CPVL: variants seen among roughly 807,000 people sequenced by gnomAD.
CPVL encodes probable serine carboxypeptidase CPVL.
In CPVL, 51 loss-of-function variants were observed where a neutral mutation model predicts 63.7. That is an observed-to-expected ratio of 0.80 (90% CI 0.64 to 1.01). CPVL has a LOEUF of 1.01. Ranked by LOEUF, CPVL falls within the 50% of genes least tolerant of loss-of-function variation. The pLI, the probability that CPVL is intolerant of heterozygous loss-of-function variation, is 0.00. For synonymous variants in CPVL, 195 were observed against 206.0 expected (o/e 0.95, Z 0.46); for missense variants, 530 against 573.1 (o/e 0.92, Z 0.77).
intron 3 of CPVL, among the ~76,000 whole-genome samples, chr7:29,105,683 C>T (rs1418916485): frequency 6.6e-6 from 1 of 152,110 alleles, no homozygotes; most frequent in Non-Finnish European, 1.5e-5. Flanking sequence ...TGGAAACATT[C>T]ACCTTTAATT....
chr7:29,187,367 C>T (rs1020433308), intron 1 of CPVL, among the ~76,000 whole-genome samples: 2 of 150,098 alleles, frequency 1.3e-5, no homozygotes, highest in East Asian at 3.9e-4. Flanking sequence ...GTGTGTGTGA[C>T]AAAGAGAGAG....
intron 12 of CPVL, among the ~76,000 whole-genome samples, chr7:29,006,305 G>A (rs1016353376): frequency 5.3e-5 from 8 of 152,126 alleles, no homozygotes; most frequent in African/African-American, 1.9e-4. Context: ...TGGCTGTCCT[G>A]GGGAAAGAGG....
At chr7:29,186,562 TGAAAGGAAAG>T (rs143140699) in intron 1 of CPVL, 7 of 130,352 alleles carry the variant, frequency 5.4e-5, no homozygotes, top group Non-Finnish European at 9.5e-5. Context: ...GTGACAGAGA[TGAAAGGAAAG>T]GAAAGGAAAG....
At chr7:29,049,990 C>T (rs1178114636) in intron 11 of CPVL, among the ~76,000 whole-genome samples, 1 of 152,030 alleles carries the variant, frequency 6.6e-6, no homozygotes, top group Admixed American at 6.5e-5. Context: ...AAACTCTCAG[C>T]AAAATTGGCA....
At chr7:29,121,508 A>T (rs1789367192) in intron 1 of CPVL, among the ~76,000 whole-genome samples, 1 of 152,220 alleles carries the variant, frequency 6.6e-6, no homozygotes, top group Non-Finnish European at 1.5e-5. Flanking sequence ...GATTAGATAA[A>T]GACTCAGAAC....
intron 12 of CPVL, among the ~76,000 whole-genome samples, chr7:29,026,358 T>A (rs990778848): frequency 1.3e-5 from 2 of 151,776 alleles, no homozygotes; most frequent in African/African-American, 4.8e-5. Context: ...AATACCTACA[T>A]CAAAAAAGTA....
intron 1 of CPVL, among the ~76,000 whole-genome samples, chr7:29,130,369 C>T (rs1304995251): frequency 1.3e-5 from 2 of 152,106 alleles, no homozygotes; most frequent in Non-Finnish European, 2.9e-5. Flanking sequence ...TATGGAATAC[C>T]AATTCTGTAT....
At chr7:29,130,230 A>C (rs940775283) in intron 1 of CPVL, among the ~76,000 whole-genome samples, 1 of 152,190 alleles carries the variant, frequency 6.6e-6, no homozygotes, top group Non-Finnish European at 1.5e-5. Flanking sequence ...GTTCTACTTT[A>C]AGTTGCCTGG....
chr7:29,076,275 G>T (rs1784237964), intron 7 of CPVL, among the ~76,000 whole-genome samples: 1 of 152,106 alleles, frequency 6.6e-6, no homozygotes. Context: ...ACAACAACCA[G>T]AACTCTTGGT....
chr7:29,146,040 G>A (rs1792557185), intron 1 of CPVL: 1 of 152,254 alleles, frequency 6.6e-6, no homozygotes, highest in Non-Finnish European at 1.5e-5. Flanking sequence ...CCCAAAACAC[G>A]CGTTGAGGGA....
intron 1 of CPVL, among the ~76,000 whole-genome samples, chr7:29,139,192 T>C (rs754708634): frequency 2.6e-5 from 4 of 152,228 alleles, no homozygotes; most frequent in Non-Finnish European, 5.9e-5. Flanking sequence ...AATTCCTGAA[T>C]GTACAAGGTC....
intron 11 of CPVL, among the ~76,000 whole-genome samples, chr7:29,031,236 A>T (rs1787995836): frequency 6.6e-6 from 1 of 152,110 alleles, no homozygotes; most frequent in African/African-American, 2.4e-5. Context: ...AGCAAGTATA[A>T]TTTTTTTGCA....
chr7:29,137,113 T>C (rs1791303250), intron 1 of CPVL, among the ~76,000 whole-genome samples: 2 of 152,246 alleles, frequency 1.3e-5, no homozygotes, highest in Admixed American at 1.3e-4. Flanking sequence ...CTGTCTCTCC[T>C]ATTGAGGTGG....
intron 11 of CPVL, among the ~76,000 whole-genome samples, chr7:29,057,381 T>C (rs1288960046): frequency 6.6e-6 from 1 of 152,236 alleles, no homozygotes; most frequent in Non-Finnish European, 1.5e-5. Context: ...TTTTTAAAAA[T>C]ATATTTTGGT....
At chr7:29,146,685 C>A (rs1792739112), upstream of CPVL, 1 of 1,550,660 alleles carries the variant, frequency 6.4e-7, no homozygotes, top group African/African-American at 1.4e-5. Context: ...CTGGAAGAAG[C>A]AAGCAGCCCC....
At position 29,083,343 on chromosome 7, in the gene CPVL, T is replaced by C. The variant is rs1784918337; in HGVS notation, c.609+3141A>G. 2.0e-5 allele frequency among the ~76,000 whole-genome samples: 3 copies of C among 152,302 alleles called. No individual in the cohort carries two copies. In the South Asian group the frequency reaches 6.2e-4, roughly 32 times the overall value. On this transcript the variant is annotated intron_variant, in intron 7 of 12. Coordinates refer to ENST00000265394, the MANE Select transcript of CPVL (RefSeq NM_031311.5). Reference sequence around the variant, plus strand: ...ATTTCCAACTCTCAGGCCTTATGATTCAGAGTGTGAGGGCCCCCCATCCTG... The same window carrying C: ...ATTTCCAACTCTCAGGCCTTATGATCCAGAGTGTGAGGGCCCCCCATCCTG...
upstream of CPVL, among the ~76,000 whole-genome samples, chr7:29,148,192 G>A (rs1045240876): frequency 6.6e-6 from 1 of 152,214 alleles, no homozygotes; most frequent in Non-Finnish European, 1.5e-5. Flanking sequence ...TTTGGAATTT[G>A]CCTTCTAAAG....
At chr7:29,185,549 C>A (rs552325344) in exon 3 of CPVL, 2 of 152,030 alleles carry the variant, frequency 1.3e-5, no homozygotes, top group East Asian at 3.9e-4. Flanking sequence ...ATAATCTGTT[C>A]TCTGAATCTC....
At chr7:29,115,315 A>G (rs2128633967) in intron 2 of CPVL, among the ~76,000 whole-genome samples, 1 of 152,294 alleles carries the variant, frequency 6.6e-6, no homozygotes, top group Non-Finnish European at 1.5e-5. Context: ...AAGATTGCTT[A>G]ATGCAACCTC....
Sources: allele counts gnomAD v4.1 joint callset (sites outside exome capture counted in the v4.1 genomes callset), GRCh38; gene constraint gnomAD v4.1.1; transcripts MANE v1.5; gene names NCBI Gene and HGNC (gene_info 2026-07-23, HGNC 2026-07-21).